SLC45A2: variants seen among roughly 807,000 people sequenced by gnomAD.
SLC45A2 encodes solute carrier family 45 member 2.
Under a neutral mutation model 45.5 loss-of-function variants are expected in SLC45A2, and 36 were observed. The ratio of observed to expected loss-of-function variants is 0.79; its 90% CI spans 0.61 to 1.04. The LOEUF is 1.04. Among genes scored for constraint, SLC45A2 ranks in the 50% least tolerant of loss-of-function variants. SLC45A2 has a pLI of 0.00. For synonymous variants in SLC45A2, 306 were observed against 269.3 expected (o/e 1.14, Z -1.33); for missense variants, 719 against 671.0 (o/e 1.07, Z -0.79).
intron 3 of SLC45A2, among the ~76,000 whole-genome samples, chr5:33,960,633 GA>G (rs1257636961): frequency 6.6e-6 from 1 of 152,062 alleles, no homozygotes; most frequent in Non-Finnish European, 1.5e-5. Flanking sequence ...GGGATGAGGG[GA>G]AAAAGACTAC....
chr5:33,945,794 A>T, intron 6 of SLC45A2: 1 of 277,684 alleles, frequency 3.6e-6, no homozygotes, highest in Non-Finnish European at 5.4e-6. Context: ...CTACACTATT[A>T]GGCAAAAAAA....
chr5:33,966,851 T>A (rs1752619534), intron 2 of SLC45A2, among the ~76,000 whole-genome samples: 1 of 152,206 alleles, frequency 6.6e-6, no homozygotes, highest in Non-Finnish European at 1.5e-5. Context: ...TGAGCTTTAG[T>A]GACTCTGTGA....
At chr5:33,948,010 A>G (rs188784204) in intron 5 of SLC45A2, among the ~76,000 whole-genome samples, 1 of 152,172 alleles carries the variant, frequency 6.6e-6, no homozygotes, top group East Asian at 1.9e-4. Flanking sequence ...TGGCTCCCTA[A>G]CTCTTGGTAA....
intron 2 of SLC45A2, among the ~76,000 whole-genome samples, chr5:33,967,920 A>G (rs1233131354): frequency 6.6e-6 from 1 of 151,862 alleles, no homozygotes; most frequent in Non-Finnish European, 1.5e-5. Flanking sequence ...GACATAATCT[A>G]TAACTTAGAG....
chr5:33,961,193 T>C (rs1009076998), intron 3 of SLC45A2, among the ~76,000 whole-genome samples: 2 of 152,100 alleles, frequency 1.3e-5, no homozygotes, highest in Non-Finnish European at 2.9e-5. Flanking sequence ...AAATAAACCC[T>C]CCTGGGTACC....
At chr5:33,956,862 A>T (rs889921363) in intron 3 of SLC45A2, among the ~76,000 whole-genome samples, 3 of 152,196 alleles carry the variant, frequency 2.0e-5, no homozygotes, top group African/African-American at 7.2e-5. Flanking sequence ...CATTGCTTAC[A>T]AAAGTAAGCA....
At chr5:33,979,042 G>C (rs564053125) in intron 2 of SLC45A2, among the ~76,000 whole-genome samples, 2 of 152,182 alleles carry the variant, frequency 1.3e-5, no homozygotes, top group Non-Finnish European at 2.9e-5. Context: ...TCAATGAAAA[G>C]AGTCAAACTC....
At position 33,951,697 on chromosome 5, in the gene SLC45A2, CTGT is replaced by C. The variant is rs764769486; in HGVS notation, c.1033-23_1033-21del. The C allele has an allele frequency of 5.6e-6, 9 of 1,614,154 alleles. No homozygotes were observed. The highest frequency in any genetic ancestry group is 7.6e-6 in the Non-Finnish European group (9 of 1,180,002). Reference sequence around the variant, plus strand: ...CACAATCTGAAAGAGAGATTGGAGGCTGTTGAGGTACAAATGCAATGTAGTAAG... The same window carrying C: ...CACAATCTGAAAGAGAGATTGGAGGCTGAGGTACAAATGCAATGTAGTAAG... On this transcript the variant is annotated intron_variant, in intron 4 of 6. Transcript: ENST00000296589.
intron 2 of SLC45A2, chr5:33,971,961 G>A (rs1202347573): frequency 1.1e-5 from 5 of 438,486 alleles, no homozygotes; most frequent in Admixed American, 7.5e-5. Flanking sequence ...GTAGAGATGG[G>A]GTTTCACCAT....
chr5:33,977,696 G>A (rs1190328100), intron 2 of SLC45A2, among the ~76,000 whole-genome samples: 3 of 152,184 alleles, frequency 2.0e-5, no homozygotes, highest in African/African-American at 7.2e-5. Flanking sequence ...AGTGGTAGAG[G>A]AGTGAGGGAT....
chr5:33,972,369 T>G (rs1752809978), intron 2 of SLC45A2: 3 of 382,394 alleles, frequency 7.8e-6, no homozygotes, highest in Non-Finnish European at 1.6e-5. Context: ...CATATTGATT[T>G]GCCAAATGAA....
In SLC45A2 at chr5:33,951,690, T is replaced by G. The variant is rs1401577962; in HGVS notation, c.1033-13A>C. On this transcript the variant is annotated splice_polypyrimidine_tract_variant and intron_variant, in intron 4 of 6. Transcript: ENST00000296589. ...CGCGGTACACAATCTGAAAGAGAGATTGGAGGCTGTTGAGGTACAAATGCA... is the reference window on the plus strand; with the variant it reads ...CGCGGTACACAATCTGAAAGAGAGAGTGGAGGCTGTTGAGGTACAAATGCA... 1.2e-6 allele frequency: 2 copies of G among 1,614,138 alleles called. No individual in the cohort carries two copies. The highest frequency in any genetic ancestry group is 1.7e-6 in the Non-Finnish European group (2 of 1,180,006).
At chr5:33,946,988 C>A in intron 6 of SLC45A2, 175 bp downstream of exon 6, 1 of 1,556,274 alleles carries the variant, frequency 6.4e-7, no homozygotes, top group Non-Finnish European at 8.6e-7. Flanking sequence ...CTGGGCTGGG[C>A]TGGGCTGGTG....
At chr5:33,969,065 C>CTGTGTGTG (rs66961145) in intron 2 of SLC45A2, among the ~76,000 whole-genome samples, 2,222 of 102,412 alleles carry the variant, frequency 0.022, 75 homozygotes, top group East Asian at 0.14. Flanking sequence ...CTCTCTCTCT[C>CTGTGTGTG]TGTGTGTGTG....
chr5:33,974,033 C>G (rs1752857304), intron 2 of SLC45A2, among the ~76,000 whole-genome samples: 1 of 152,208 alleles, frequency 6.6e-6, no homozygotes, highest in Non-Finnish European at 1.5e-5. Context: ...CAAGAAAGCC[C>G]ACTGCTAAGA....
chr5:33,967,186 C>T (rs916885477), intron 2 of SLC45A2, among the ~76,000 whole-genome samples: 1 of 152,210 alleles, frequency 6.6e-6, no homozygotes, highest in African/African-American at 2.4e-5. Flanking sequence ...AGGATTTAGT[C>T]ATTTTAGGCC....
At chr5:33,974,871 C>T (rs765380863) in intron 2 of SLC45A2, among the ~76,000 whole-genome samples, 8 of 151,896 alleles carry the variant, frequency 5.3e-5, no homozygotes, top group Non-Finnish European at 1.0e-4. Context: ...CAGGAGTAAA[C>T]ATTAAAGGAG....
intron 2 of SLC45A2, among the ~76,000 whole-genome samples, chr5:33,966,450 T>C (rs1036824050): frequency 7.2e-6 from 1 of 138,054 alleles, no homozygotes; most frequent in East Asian, 2.5e-4. Flanking sequence ...TTTTTTTTTT[T>C]TGAGACGGAG....
chr5:33,984,053 T>A, intron 1 of SLC45A2, 146 bp downstream of exon 1: 1 of 1,122,684 alleles, frequency 8.9e-7, no homozygotes, highest in Non-Finnish European at 1.3e-6. Flanking sequence ...TGGGCCAAAT[T>A]TGTCAAAGGG....
Sources: allele counts gnomAD v4.1 joint callset (sites outside exome capture counted in the v4.1 genomes callset), GRCh38; gene constraint gnomAD v4.1.1; transcripts MANE v1.5; gene names NCBI Gene and HGNC (gene_info 2026-07-23, HGNC 2026-07-21).